Variants in BASP1 observed in about 807,000 individuals in gnomAD.
The protein encoded by BASP1 is brain abundant membrane attached signal protein 1, also known as brain acid soluble protein 1.
In BASP1, 1 loss-of-function variant was observed where a neutral mutation model predicts 2.2. That is an observed-to-expected ratio of 0.46 (90% CI 0.16 to 2.17). The LOEUF (loss-of-function observed/expected upper bound fraction) is 2.17, where lower values mean the gene tolerates loss of function less well. BASP1 is among the 30% of genes most tolerant of loss of function. The pLI is 0.27. For missense variants in BASP1, 352 were observed against 327.2 expected, an observed-to-expected ratio of 1.08 and a Z score of -0.58; for synonymous variants, 187 against 154.2, an observed-to-expected ratio of 1.21 and a Z score of -1.58.
intron 1 of BASP1, among the ~76,000 whole-genome samples, chr5:17,252,387 C>T (rs1208748725): frequency 3.3e-5 from 5 of 152,146 alleles, no homozygotes; most frequent in Non-Finnish European, 5.9e-5. Flanking sequence ...AATCCCCTCT[C>T]ATGTAAAGGT....
At chr5:17,258,736 C>T (rs1740260006) in intron 1 of BASP1, among the ~76,000 whole-genome samples, 2 of 152,100 alleles carry the variant, frequency 1.3e-5, no homozygotes, top group Admixed American at 6.5e-5. Flanking sequence ...GACAAATACC[C>T]TCTGTTATGT....
intron 1 of BASP1, among the ~76,000 whole-genome samples, chr5:17,267,958 G>A (rs184607911): frequency 1.9e-3 from 290 of 151,418 alleles, no homozygotes; most frequent in Non-Finnish European, 3.2e-3. Context: ...CAGGGTGTAA[G>A]ATGATATATT....
At chr5:17,273,861 T>C (rs1235816342) in intron 1 of BASP1, among the ~76,000 whole-genome samples, 4 of 152,002 alleles carry the variant, frequency 2.6e-5, no homozygotes, top group Admixed American at 6.5e-5. Context: ...ACGAGGATAG[T>C]ATAATGTGAT....
chr5:17,230,957 C>T (rs534075013), intron 1 of BASP1, among the ~76,000 whole-genome samples: 2 of 152,222 alleles, frequency 1.3e-5, no homozygotes, highest in East Asian at 1.9e-4. Flanking sequence ...GGTCACATTA[C>T]GTTAACTCTG....
intron 1 of BASP1, among the ~76,000 whole-genome samples, chr5:17,259,907 G>A (rs1740282943): frequency 6.6e-6 from 1 of 152,192 alleles, no homozygotes; most frequent in African/African-American, 2.4e-5. Context: ...TTTGAGCTCT[G>A]TTTGGAGAAT....
chr5:17,239,459 CT>C (rs981610080), intron 1 of BASP1, among the ~76,000 whole-genome samples: 1 of 152,128 alleles, frequency 6.6e-6, no homozygotes, highest in Non-Finnish European at 1.5e-5. Context: ...GTAAATAATT[CT>C]TGAGGTTACT....
chr5:17,221,271 G>A (rs1739388559), intron 1 of BASP1, among the ~76,000 whole-genome samples: 1 of 151,106 alleles, frequency 6.6e-6, no homozygotes, highest in South Asian at 2.1e-4. Flanking sequence ...CTTACATCAA[G>A]CACTACTGAA....
intron 1 of BASP1, among the ~76,000 whole-genome samples, chr5:17,240,348 A>G (rs1739838046): frequency 6.6e-6 from 1 of 152,050 alleles, no homozygotes; most frequent in African/African-American, 2.4e-5. Flanking sequence ...CAGCCTGGCC[A>G]ACATGGTGAA....
At chr5:17,220,100 A>G (rs1016169394) in intron 1 of BASP1, among the ~76,000 whole-genome samples, 3 of 152,178 alleles carry the variant, frequency 2.0e-5, no homozygotes, top group African/African-American at 7.2e-5. Context: ...GTTATGTTTA[A>G]TAGGGTTTTA....
At chr5:17,217,047 TGAG>T (rs1356864231), upstream of BASP1, 2 of 105,684 alleles carry the variant, frequency 1.9e-5, no homozygotes, top group Non-Finnish European at 3.9e-5. Context: ...TCCAAATAAA[TGAG>T]GGGGAGAGAG....
At position 17,276,161 on chromosome 5, in the gene BASP1, C is replaced by T. The variant is rs562757780; in HGVS notation, c.*261C>T. 1.5e-3 allele frequency: 493 copies of T among 325,596 alleles called. No individual in the cohort carries two copies. The highest frequency in any genetic ancestry group is 4.3e-3 in the Middle Eastern group (5 of 1,176). 20.2% of individuals were successfully genotyped at this position (325,596 alleles called of 1,614,324 possible). A position where few individuals can be genotyped will look rare whatever the true frequency, so the allele number is the denominator to read the frequency against. ...TTTTGTGGGGAAATATCTAATATAC[C>T]TTCAGTCAACTTTACCAAGAAGTCC... On this transcript the variant is annotated 3_prime_UTR_variant, in exon 2 of 2. Coordinates refer to ENST00000322611, the MANE Select transcript of BASP1 (RefSeq NM_006317.5).
chr5:17,275,112 A>G lies in BASP1; in HGVS notation c.-9-96A>G. ...ACCCCTTTGGGGTGTGCAGTGCAGC[A>G]GGCCCAGAACCCCTTGCTTTGCAAA... On this transcript the variant is annotated intron_variant, in intron 1 of 1. Transcript: ENST00000322611. This position sits in a 1 kb window ranked among gnomAD's most constrained non-coding sequence, Gnocchi z 5.3. 8.8e-7 allele frequency: 1 copy of G among 1,138,362 alleles called. No homozygotes were observed. The highest frequency in any genetic ancestry group is 1.3e-6 in the Non-Finnish European group (1 of 781,886). The allele number at this position is 1,138,362 out of a possible 1,614,324, so 70.5% of individuals were successfully genotyped here.
At chr5:17,273,367 G>A (rs1740567560) in intron 1 of BASP1, among the ~76,000 whole-genome samples, 1 of 152,120 alleles carries the variant, frequency 6.6e-6, no homozygotes, top group Non-Finnish European at 1.5e-5. Context: ...CCTGTCTGAA[G>A]CAGGTTATGA....
intron 1 of BASP1, among the ~76,000 whole-genome samples, chr5:17,271,377 C>T (rs1740524962): frequency 6.6e-6 from 1 of 152,218 alleles, no homozygotes; most frequent in South Asian, 2.1e-4. Flanking sequence ...CCACCTCGGC[C>T]TCCCAAAGTG....
chr5:17,238,317 A>T (rs1274070599), intron 1 of BASP1, among the ~76,000 whole-genome samples: 1 of 151,550 alleles, frequency 6.6e-6, no homozygotes, highest in East Asian at 1.9e-4. Context: ...TTTTTTATCG[A>T]AACCAAAATA....
At chr5:17,261,764 C>A (rs956886759) in intron 1 of BASP1, among the ~76,000 whole-genome samples, 9 of 152,202 alleles carry the variant, frequency 5.9e-5, no homozygotes, top group Non-Finnish European at 2.9e-5. Flanking sequence ...ATCCTATCTT[C>A]CCATAGATAT....
chr5:17,249,805 C>A (rs1740065812), intron 1 of BASP1, among the ~76,000 whole-genome samples: 1 of 152,140 alleles, frequency 6.6e-6, no homozygotes. Context: ...TGATCTAAGT[C>A]TTTTTCTTGA....
chr5:17,217,091 AGAGAGTGAGT>A, upstream of BASP1: 1 of 142,568 alleles, frequency 7.0e-6, no homozygotes, highest in African/African-American at 2.7e-5. Context: ...AGAGAGAGAG[AGAGAGTGAGT>A]GAGAGAGTGA....
rs768305851 is a variant in BASP1 at position 17,275,950 on chromosome 5, T to C, written c.*50T>C. On this transcript the variant is annotated 3_prime_UTR_variant, in exon 2 of 2. Coordinates refer to ENST00000322611, the MANE Select transcript of BASP1 (RefSeq NM_006317.5). The surrounding 1 kb of genome is among the most constrained non-coding windows in gnomAD (Gnocchi z 5.3). ...ATACCACTTAAAACAATCTCCTCTCTCTCTCTCTCTCTCTCTCTCTATCTC... is the reference window on the plus strand; with the variant it reads ...ATACCACTTAAAACAATCTCCTCTCCCTCTCTCTCTCTCTCTCTCTATCTC... The C allele has an allele frequency of 1.8e-6, 2 of 1,092,044 alleles. No individual in the cohort carries two copies. Among genetic ancestry groups the C allele is most frequent in the South Asian group, 3.7e-5 (2 of 54,432 alleles). 67.6% of individuals were successfully genotyped at this position (1,092,044 alleles called of 1,614,324 possible).
Sources: allele counts gnomAD v4.1 joint callset (sites outside exome capture counted in the v4.1 genomes callset), GRCh38; gene constraint gnomAD v4.1.1; non-coding constraint Gnocchi (gnomAD v3.1); transcripts MANE v1.5; gene names NCBI Gene and HGNC (gene_info 2026-07-23, HGNC 2026-07-21).